ADAMTSL1: variants seen among roughly 807,000 people sequenced by gnomAD.
ADAMTSL1 encodes ADAMTS-like protein 1.
ADAMTSL1 carries 126 observed loss-of-function variants against 201.8 expected under a neutral mutation model. That is an observed-to-expected ratio of 0.62 (90% CI 0.54 to 0.72). The LOEUF is 0.72. ADAMTSL1 is among the 30% of genes least tolerant of loss of function. The pLI is 0.00. For synonymous variants in ADAMTSL1, 1,121 were observed against 903.4 expected, an observed-to-expected ratio of 1.24 and a Z score of -4.32; for missense variants, 2,679 against 2,277.8, an observed-to-expected ratio of 1.18 and a Z score of -3.59.
intron 1 of ADAMTSL1, among the ~76,000 whole-genome samples, chr9:17,969,304 C>T (rs1818110734): frequency 6.6e-6 from 1 of 151,952 alleles, no homozygotes; most frequent in South Asian, 2.1e-4. Flanking sequence ...ATTTCTTGGG[C>T]AATTTTTAAT....
intron 2 of ADAMTSL1, among the ~76,000 whole-genome samples, chr9:18,410,333 C>A (rs535670005): frequency 6.6e-6 from 1 of 152,172 alleles, no homozygotes; most frequent in Admixed American, 6.5e-5. Flanking sequence ...CATCCATTAG[C>A]TCTTCTTCCT....
At chr9:18,200,754 A>G (rs1450762751) in intron 2 of ADAMTSL1, among the ~76,000 whole-genome samples, 2 of 152,068 alleles carry the variant, frequency 1.3e-5, no homozygotes, top group African/African-American at 4.8e-5. Context: ...AGTTTAATGT[A>G]TATAAAATAA....
intron 2 of ADAMTSL1, among the ~76,000 whole-genome samples, chr9:18,225,553 A>G (rs1414642124): frequency 1.3e-5 from 2 of 152,118 alleles, no homozygotes; most frequent in African/African-American, 2.4e-5. Flanking sequence ...AGATTGAATT[A>G]TTTTTCATAT....
chr9:18,150,291 G>C (rs1179972327), intron 1 of ADAMTSL1, among the ~76,000 whole-genome samples: 1 of 152,032 alleles, frequency 6.6e-6, no homozygotes, highest in African/African-American at 2.4e-5. Flanking sequence ...CAAACTATGG[G>C]GAAGACGGAA....
chr9:18,290,935 C>T lies in ADAMTSL1; in HGVS notation c.207+126954C>T, dbSNP rs578059036. Among the ~76,000 whole-genome samples the T allele has an allele frequency of 8.9e-4, 136 of 152,172 alleles. 1 individual carries two copies. The highest frequency in any genetic ancestry group is 1.5e-3 in the Non-Finnish European group (105 of 68,016). On this transcript the variant is annotated intron_variant, in intron 2 of 29. Transcript: ENST00000680146. ...TAGCTGGGACTACAGGTGCCTGCCA[C>T]GGCGCCTGGCTAATTTTTTGTATAT...
At chr9:18,810,860 C>T (rs1000506667) in intron 20 of ADAMTSL1, among the ~76,000 whole-genome samples, 2 of 151,904 alleles carry the variant, frequency 1.3e-5, no homozygotes, top group East Asian at 3.9e-4. Flanking sequence ...ATATATAAAA[C>T]ACACATAAGG....
At chr9:18,599,212 G>C (rs1488506210) in intron 4 of ADAMTSL1, among the ~76,000 whole-genome samples, 1 of 152,160 alleles carries the variant, frequency 6.6e-6, no homozygotes, top group Admixed American at 6.5e-5. Flanking sequence ...CACAAGTTAG[G>C]GATGAAAGGA....
intron 4 of ADAMTSL1, among the ~76,000 whole-genome samples, chr9:18,604,632 A>G (rs1824889923): frequency 6.6e-6 from 1 of 152,160 alleles, no homozygotes; most frequent in African/African-American, 2.4e-5. Context: ...TGTTGTATGA[A>G]TATATAACAT....
chr9:18,524,736 A>T (rs922021853), intron 2 of ADAMTSL1, among the ~76,000 whole-genome samples: 11 of 152,048 alleles, frequency 7.2e-5, no homozygotes, highest in Admixed American at 5.2e-4. Flanking sequence ...TATATGCTGG[A>T]TTACGTTTAT....
chr9:18,687,886 CAAGATATAAATCCAGATATCAATTTCAT>C (rs1453705417), intron 13 of ADAMTSL1, among the ~76,000 whole-genome samples: 3 of 152,120 alleles, frequency 2.0e-5, no homozygotes, highest in African/African-American at 7.2e-5. Context: ...ACACCATGCA[CAAGATATAAATCCAGATATCAATTTCAT>C]AGAACCACTG....
intron 23 of ADAMTSL1, among the ~76,000 whole-genome samples, chr9:18,849,540 A>G (rs1294014443): frequency 1.3e-5 from 2 of 152,308 alleles, no homozygotes; most frequent in East Asian, 3.9e-4. Flanking sequence ...GTAAAAATTA[A>G]TCCACACTGC....
intron 9 of ADAMTSL1, among the ~76,000 whole-genome samples, chr9:18,667,501 T>G (rs1425194663): frequency 6.6e-6 from 1 of 152,112 alleles, no homozygotes; most frequent in Non-Finnish European, 1.5e-5. Flanking sequence ...TGAATGGCCT[T>G]TGGCAAATTC....
At chr9:18,717,404 T>C (rs1833018502) in intron 14 of ADAMTSL1, among the ~76,000 whole-genome samples, 1 of 151,996 alleles carries the variant, frequency 6.6e-6, no homozygotes, top group African/African-American at 2.4e-5. Context: ...AAGATCACTG[T>C]CTCCATAGGT....
intron 20 of ADAMTSL1, among the ~76,000 whole-genome samples, chr9:18,812,222 G>A (rs781498406): frequency 6.6e-6 from 1 of 152,054 alleles, no homozygotes; most frequent in African/African-American, 2.4e-5. Context: ...TTGGTAGAGG[G>A]ACAGACACAT....
chr9:18,374,973 T>G (rs916889314), intron 2 of ADAMTSL1, among the ~76,000 whole-genome samples: 1 of 152,254 alleles, frequency 6.6e-6, no homozygotes, highest in Admixed American at 6.5e-5. Flanking sequence ...TCTAGATACC[T>G]GTCAATTGTT....
Position 18,777,815 on chromosome 9 carries a change from C to T in ADAMTSL1, c.3586C>T (p.Leu1196=), listed in dbSNP as rs752827263. ...GACGGTGGCCCTGGCCAGCGGGACA[C>T]TGAGTGTTCTTCTGCACTGTGAGGC... ...GQTVALASGT[L]SVLLHCEAIG... Residue 1196 remains leucine (L), a synonymous_variant, in exon 19 of 29, where the codon CTG becomes TTG. Transcript: ENST00000380548. The T allele has an allele frequency of 6.2e-7, 1 of 1,613,672 alleles. No homozygotes were observed. The highest frequency in any genetic ancestry group is 1.7e-5 in the Admixed American group (1 of 60,010).
At chr9:18,119,180 AGTT>A (rs1218905141) in intron 1 of ADAMTSL1, among the ~76,000 whole-genome samples, 3 of 152,346 alleles carry the variant, frequency 2.0e-5, no homozygotes, top group South Asian at 4.1e-4. Context: ...TGATGTAAGA[AGTT>A]GTTATTATTA....
Position 18,601,583 on chromosome 9 carries a change from T to C in ADAMTSL1, c.475-20660T>C, listed in dbSNP as rs1212593126. On this transcript the variant is annotated intron_variant, in intron 4 of 28. Transcript: ENST00000380548. The stretch of plus-strand genomic sequence containing the variant: ...ACAGTCATGGCCAGTGAGGATTTCC[T>C]AGGGATGCTATAAGTGACCATGGGC... Among the ~76,000 whole-genome samples the C allele has an allele frequency of 2.6e-5, 4 of 152,202 alleles. No homozygotes were observed. The East Asian group carries it at 7.7e-4, about 29-fold the overall frequency.
intron 1 of ADAMTSL1, among the ~76,000 whole-genome samples, chr9:18,076,602 G>C (rs577667140): frequency 8.5e-5 from 13 of 152,158 alleles, no homozygotes; most frequent in Non-Finnish European, 1.6e-4. Context: ...TGAGTGCTTT[G>C]AGCATGTTCC....
Sources: gnomAD v4.1 joint callset for allele counts (sites outside exome capture counted in the v4.1 genomes callset) on GRCh38, gnomAD v4.1.1 for gene constraint, MANE v1.5 for transcripts, NCBI Gene and HGNC (gene_info 2026-07-23, HGNC 2026-07-21) for gene names.